CCSER1: variants seen among roughly 807,000 people sequenced by gnomAD.
The protein encoded by CCSER1 is coiled-coil serine rich protein 1.
Under a neutral mutation model 82.0 loss-of-function variants are expected in CCSER1, and 41 were observed. That is an observed-to-expected ratio of 0.50 (90% CI 0.39 to 0.65). The LOEUF (loss-of-function observed/expected upper bound fraction) is 0.65, where lower values mean the gene tolerates loss of function less well. CCSER1 is among the 30% of genes least tolerant of loss of function. The pLI is 0.00. For synonymous variants in CCSER1, 414 were observed against 383.9 expected, an observed-to-expected ratio of 1.08 and a Z score of -0.92; for missense variants, 1,119 against 1,064.2, an observed-to-expected ratio of 1.05 and a Z score of -0.72.
intron 3 of CCSER1, among the ~76,000 whole-genome samples, chr4:90,342,932 G>A (rs562796303): frequency 1.3e-4 from 20 of 151,650 alleles, no homozygotes; most frequent in African/African-American, 4.8e-4. Flanking sequence ...TTTCTTATCA[G>A]TTGCCTTCTC....
intron 10 of CCSER1, among the ~76,000 whole-genome samples, chr4:91,106,863 A>T (rs1310869261): frequency 6.6e-6 from 1 of 152,144 alleles, no homozygotes; most frequent in Admixed American, 6.5e-5. Flanking sequence ...CTAATTATTG[A>T]CAATGTGGTA....
intron 8 of CCSER1, among the ~76,000 whole-genome samples, chr4:90,920,162 A>C (rs1485752894): frequency 6.6e-6 from 1 of 151,910 alleles, no homozygotes; most frequent in African/African-American, 2.4e-5. Flanking sequence ...AAAGCTCAGC[A>C]CACTTCCGCG....
intron 9 of CCSER1, among the ~76,000 whole-genome samples, chr4:90,982,725 A>G (rs1736229543): frequency 6.6e-6 from 1 of 151,864 alleles, no homozygotes; most frequent in African/African-American, 2.4e-5. Context: ...GGGAAGTAAA[A>G]TTCAACTAAC....
At chr4:91,438,978 A>G (rs144069401) in intron 10 of CCSER1, among the ~76,000 whole-genome samples, 2,014 of 152,338 alleles carry the variant, frequency 0.013, 47 homozygotes, top group African/African-American at 0.046. Flanking sequence ...ATATGGGACT[A>G]TGTGAAAGGA....
chr4:91,274,640 T>C (rs1266076285), intron 10 of CCSER1, among the ~76,000 whole-genome samples: 1 of 152,190 alleles, frequency 6.6e-6, no homozygotes, highest in African/African-American at 2.4e-5. Flanking sequence ...TCATCCATCT[T>C]GCTGCAAATG....
chr4:91,267,324 C>G (rs952552085), intron 10 of CCSER1, among the ~76,000 whole-genome samples: 1 of 151,874 alleles, frequency 6.6e-6, no homozygotes, highest in South Asian at 2.1e-4. Flanking sequence ...TCCTTTTTCT[C>G]TGAAAAGTAT....
intron 4 of CCSER1, among the ~76,000 whole-genome samples, chr4:90,435,515 A>T (rs939622183): frequency 6.6e-6 from 1 of 152,118 alleles, no homozygotes; most frequent in Admixed American, 6.6e-5. Flanking sequence ...TGGAATGTTT[A>T]TCTCTTGAGT....
chr4:91,287,569 C>T (rs1277986160), intron 10 of CCSER1, among the ~76,000 whole-genome samples: 2 of 151,934 alleles, frequency 1.3e-5, no homozygotes, highest in Admixed American at 6.6e-5. Flanking sequence ...GATAATCTGT[C>T]TGGTAAGGTT....
chr4:90,496,971 C>CAAAAAAAAAAAAAAAAAAA (rs771281710), intron 5 of CCSER1, among the ~76,000 whole-genome samples: 26 of 55,096 alleles, frequency 4.7e-4, no homozygotes, highest in African/African-American at 8.5e-4. Context: ...AGCGAGACTA[C>CAAAAAAAAAAAAAAAAAAA]AAAAAAAAAA....
At chr4:90,351,283 C>A (rs996966823) in intron 3 of CCSER1, among the ~76,000 whole-genome samples, 3 of 152,102 alleles carry the variant, frequency 2.0e-5, no homozygotes, top group Admixed American at 6.5e-5. Flanking sequence ...GGCAAAGATA[C>A]CTTGTCCAGT....
At chr4:91,233,192 C>T (rs1738755630) in intron 10 of CCSER1, among the ~76,000 whole-genome samples, 1 of 151,880 alleles carries the variant, frequency 6.6e-6, no homozygotes, top group African/African-American at 2.4e-5. Flanking sequence ...AGAAAGCACT[C>T]TTCTCCAAGC....
intron 7 of CCSER1, among the ~76,000 whole-genome samples, chr4:90,807,726 A>G (rs2149725654): frequency 6.6e-6 from 1 of 152,098 alleles, no homozygotes; most frequent in East Asian, 2.0e-4. Flanking sequence ...AACACTGATG[A>G]AAAAAATCAT....
chr4:90,393,141 T>G (rs546217182), intron 3 of CCSER1, among the ~76,000 whole-genome samples: 1 of 152,210 alleles, frequency 6.6e-6, no homozygotes, highest in Non-Finnish European at 1.5e-5. Context: ...TTTTGCAATT[T>G]ATAATTTATC....
At chr4:90,276,218 C>A (rs1408410688) in intron 1 of CCSER1, among the ~76,000 whole-genome samples, 1 of 91,622 alleles carries the variant, frequency 1.1e-5, no homozygotes. Flanking sequence ...TTCTTTCTTT[C>A]TTTCTTTCTT....
intron 10 of CCSER1, among the ~76,000 whole-genome samples, chr4:91,259,375 T>C (rs1740928784): frequency 6.6e-6 from 1 of 152,220 alleles, no homozygotes; most frequent in African/African-American, 2.4e-5. Context: ...ATTTTCCTTA[T>C]AGTTCTAAAA....
chr4:90,693,292 G>A (rs1444883259), intron 6 of CCSER1: 1 of 151,900 alleles, frequency 6.6e-6, no homozygotes, highest in East Asian at 1.9e-4. Flanking sequence ...TAACAGATGT[G>A]AAATTATTAT....
chr4:91,370,415 T>G (rs1749949593), intron 10 of CCSER1, among the ~76,000 whole-genome samples: 1 of 152,102 alleles, frequency 6.6e-6, no homozygotes, highest in Admixed American at 6.6e-5. Context: ...AAAAATGTTT[T>G]GCCGGGCATG....
chr4:90,192,189 G>T (rs1346115142), intron 1 of CCSER1, among the ~76,000 whole-genome samples: 2 of 151,988 alleles, frequency 1.3e-5, no homozygotes, highest in African/African-American at 4.8e-5. Flanking sequence ...TTACGTGGAT[G>T]GCAGCAGGCA....
At chr4:91,585,856 T>A (rs1763965220) in intron 10 of CCSER1, among the ~76,000 whole-genome samples, 1 of 151,680 alleles carries the variant, frequency 6.6e-6, no homozygotes, top group Admixed American at 6.6e-5. Context: ...ATGTAGGCCA[T>A]TACAAGAATA....
Sources: gnomAD v4.1 joint callset for allele counts (sites outside exome capture counted in the v4.1 genomes callset) on GRCh38, gnomAD v4.1.1 for gene constraint, MANE v1.5 for transcripts, NCBI Gene and HGNC (gene_info 2026-07-23, HGNC 2026-07-21) for gene names.